The following CBR4 variants were observed in gnomAD, a reference collection of about 807,000 sequenced individuals.
The protein encoded by CBR4 is carbonyl reductase 4, also known as 3-oxoacyl-[acyl-carrier-protein] reductase.
CBR4 carries 22 observed loss-of-function variants against 21.0 expected under a neutral mutation model. The ratio of observed to expected loss-of-function variants is 1.05; its 90% CI spans 0.75 to 1.50. CBR4 has a LOEUF of 1.50. CBR4 is among the 40% of genes most tolerant of loss of function. The pLI, the probability that CBR4 is intolerant of heterozygous loss-of-function variation, is 0.00. For missense variants in CBR4, 302 were observed against 286.3 expected (o/e 1.05, Z -0.40); for synonymous variants, 100 against 104.4 (o/e 0.96, Z 0.26).
intron 2 of CBR4, among the ~76,000 whole-genome samples, chr4:168,937,054 G>A (rs1007746804): frequency 6.6e-6 from 1 of 152,088 alleles, no homozygotes; most frequent in Non-Finnish European, 1.5e-5. Flanking sequence ...CTCCTTTGGA[G>A]GATCACAAAA....
At chr4:168,934,205 A>G (rs1370000709) in intron 2 of CBR4, among the ~76,000 whole-genome samples, 8 of 141,730 alleles carry the variant, frequency 5.6e-5, no homozygotes, top group Non-Finnish European at 9.0e-5. Flanking sequence ...GCACACTCCA[A>G]TTTGGCCTGT....
chr4:168,959,327 A>G (rs1763775382), intron 2 of CBR4, among the ~76,000 whole-genome samples: 1 of 152,196 alleles, frequency 6.6e-6, no homozygotes, highest in Non-Finnish European at 1.5e-5. Context: ...CACCTTTGTC[A>G]AAAATCAATT....
chr4:168,993,027 TA>T (rs1194776921), intron 4 of CBR4, among the ~76,000 whole-genome samples: 2 of 152,144 alleles, frequency 1.3e-5, no homozygotes, highest in African/African-American at 4.8e-5. Flanking sequence ...AATGCAAGAA[TA>T]AAAGGAGAAG....
intron 2 of CBR4, chr4:168,924,491 TA>T: frequency 7.3e-7 from 1 of 1,363,916 alleles, no homozygotes; most frequent in Non-Finnish European, 1.0e-6. Context: ...ATACATTTTA[TA>T]TAGCATGGAA....
intron 2 of CBR4, among the ~76,000 whole-genome samples, chr4:168,953,142 C>T (rs554682682): frequency 6.3e-4 from 96 of 152,196 alleles, no homozygotes; most frequent in Middle Eastern, 3.4e-3. Context: ...GAGTTGTGTA[C>T]CTGGGAGGAT....
intron 2 of CBR4, among the ~76,000 whole-genome samples, chr4:168,920,837 A>C (rs1427723363): frequency 6.6e-6 from 1 of 152,192 alleles, no homozygotes; most frequent in African/African-American, 2.4e-5. Context: ...CCTTGATGAG[A>C]AGCTTTACAG....
chr4:168,987,364 T>G (rs1764724925), downstream of CBR4, among the ~76,000 whole-genome samples: 1 of 152,216 alleles, frequency 6.6e-6, no homozygotes, highest in African/African-American at 2.4e-5. Context: ...AAAGAATATT[T>G]TACTGCATAT....
intron 2 of CBR4, chr4:168,904,005 C>T: frequency 8.3e-7 from 1 of 1,204,884 alleles, no homozygotes; most frequent in Non-Finnish European, 1.2e-6. Flanking sequence ...TAAGAAGTTT[C>T]TTTGATTTAT....
intron 2 of CBR4, among the ~76,000 whole-genome samples, chr4:169,007,287 TCTATTAGTATTAAGTTCACAAA>T (rs1730984788): frequency 6.6e-6 from 1 of 152,194 alleles, no homozygotes; most frequent in Admixed American, 6.5e-5. Flanking sequence ...ACTCCATGAT[TCTATTAGTATTAAGTTCACAAA>T]CTGGCAAAAC....
chr4:168,903,915 G>A lies in CBR4; in HGVS notation n.170-9150C>T, dbSNP rs769517051. ...TGGCTGCAAACCCTCAGGTAAAGAAGGGTATAGGTCTGGGCTCAGTTCTGT... is the reference window on the plus strand; with the variant it reads ...TGGCTGCAAACCCTCAGGTAAAGAAAGGTATAGGTCTGGGCTCAGTTCTGT... On this transcript the variant is annotated intron_variant and non_coding_transcript_variant, in intron 2 of 3. Coordinates refer to the CBR4 transcript ENST00000509108. 1.2e-5 allele frequency: 19 copies of A among 1,613,214 alleles called. No individual in the cohort carries two copies. In the South Asian group the frequency reaches 2.1e-4, roughly 18 times the overall value.
chr4:168,936,685 G>A (rs1021270984), intron 2 of CBR4, among the ~76,000 whole-genome samples: 2 of 152,106 alleles, frequency 1.3e-5, no homozygotes, highest in Admixed American at 1.3e-4. Context: ...CAGGATATCA[G>A]AGATTGAAGA....
chr4:169,007,583 G>A (rs1731013717), intron 2 of CBR4, 53 bp downstream of exon 2: 1 of 1,133,118 alleles, frequency 8.8e-7, no homozygotes, highest in South Asian at 2.0e-5. Context: ...GACATATTAG[G>A]AATAAAAGTT....
At chr4:168,966,366 A>G (rs1764030270) in intron 2 of CBR4, among the ~76,000 whole-genome samples, 1 of 149,352 alleles carries the variant, frequency 6.7e-6, no homozygotes, top group Admixed American at 6.7e-5. Flanking sequence ...CAAAAAAAAA[A>G]AAAAAAAAAA....
At chr4:168,921,807 T>C in intron 2 of CBR4, 1 of 1,223,630 alleles carries the variant, frequency 8.2e-7, no homozygotes, top group Non-Finnish European at 1.2e-6. Flanking sequence ...TGTAAACTAA[T>C]TCTACATTAC....
chr4:168,969,576 T>C (rs533430339), intron 2 of CBR4, among the ~76,000 whole-genome samples: 3 of 152,172 alleles, frequency 2.0e-5, no homozygotes, highest in South Asian at 4.1e-4. Flanking sequence ...ATTCAAAGCA[T>C]GAGTGGGACT....
intron 2 of CBR4, among the ~76,000 whole-genome samples, chr4:168,964,080 C>T (rs1026660617): frequency 2.0e-5 from 3 of 152,118 alleles, no homozygotes; most frequent in South Asian, 2.1e-4. Flanking sequence ...GCATCCAGCA[C>T]GTGGGAAATT....
At chr4:168,902,664 C>T (rs993858995) in intron 2 of CBR4, among the ~76,000 whole-genome samples, 2 of 152,056 alleles carry the variant, frequency 1.3e-5, no homozygotes, top group African/African-American at 4.8e-5. Context: ...CAAAACAAAA[C>T]CTTAGAACTC....
intron 2 of CBR4, among the ~76,000 whole-genome samples, chr4:168,923,678 A>C (rs1167222585): frequency 6.6e-6 from 1 of 152,072 alleles, no homozygotes; most frequent in Non-Finnish European, 1.5e-5. Context: ...AATTTATAGG[A>C]TATACATTCC....
chr4:168,910,125 A>G (rs1195655050), intron 2 of CBR4, among the ~76,000 whole-genome samples: 1 of 152,042 alleles, frequency 6.6e-6, no homozygotes, highest in African/African-American at 2.4e-5. Context: ...TTCTGTGGCA[A>G]TATTTGTATA....
Sources: gnomAD v4.1 joint callset for allele counts (sites outside exome capture counted in the v4.1 genomes callset) on GRCh38, gnomAD v4.1.1 for gene constraint, MANE v1.5 for transcripts, NCBI Gene and HGNC (gene_info 2026-07-23, HGNC 2026-07-21) for gene names.